The following NCOA2 variants were observed in gnomAD, a reference collection of about 807,000 sequenced individuals.
NCOA2 encodes the protein nuclear receptor coactivator 2, also known as class E basic helix-loop-helix protein 75.
In NCOA2, 21 loss-of-function variants were observed where a neutral mutation model predicts 145.1. The observed-to-expected ratio is 0.14, with a 90% CI of 0.10 to 0.21. The LOEUF is 0.21. NCOA2 is among the 10% of genes least tolerant of loss of function. The probability of loss-of-function intolerance (pLI) is 1.00; values close to 1 mark genes in which losing one functional copy is unlikely to be tolerated. For missense variants in NCOA2, 1,472 were observed against 1,837.6 expected, an observed-to-expected ratio of 0.80 and a Z score of 3.64; for synonymous variants, 619 against 637.5, an observed-to-expected ratio of 0.97 and a Z score of 0.44.
intron 4 of NCOA2, among the ~76,000 whole-genome samples, chr8:70,179,879 C>G (rs1431376598): frequency 5.9e-5 from 9 of 152,082 alleles, no homozygotes; most frequent in Non-Finnish European, 5.9e-5. Context: ...TTCTTCTAAG[C>G]CCTGACTTCA....
At chr8:70,184,118 T>C (rs1815783526) in intron 4 of NCOA2, among the ~76,000 whole-genome samples, 1 of 152,094 alleles carries the variant, frequency 6.6e-6, no homozygotes, top group Admixed American at 6.6e-5. Context: ...AGAAAAAAGG[T>C]CAGACCGTAT....
At chr8:70,154,494 C>T (rs575824414) in intron 11 of NCOA2, among the ~76,000 whole-genome samples, 2 of 152,294 alleles carry the variant, frequency 1.3e-5, no homozygotes, top group African/African-American at 4.8e-5. Context: ...CTCACTGCAG[C>T]CTCCAACTCC....
Position 70,397,792 on chromosome 8 carries a change from A to G in NCOA2, c.-77+5908T>C, listed in dbSNP as rs147176949. ...CTATTCGGTTGTAAGCTAATCAGTT[A>G]AGGGGACATTTTACAATATTTTTTA... On this transcript the variant is annotated intron_variant, in intron 1 of 22. Transcript: ENST00000452400. 1.7e-4 allele frequency among the ~76,000 whole-genome samples: 26 copies of G among 152,402 alleles called. No homozygotes were observed. The East Asian group carries it at 3.5e-3, about 20-fold the overall frequency.
the NCOA2 span, among the ~76,000 whole-genome samples, chr8:70,435,388 G>GCACTC: frequency 8.2e-6 from 1 of 121,334 alleles, no homozygotes; most frequent in African/African-American, 3.3e-5. Context: ...TAGCGCCACT[G>GCACTC]CAGTCCAGCT....
chr8:70,341,895 G>T (rs1808175170), intron 1 of NCOA2, among the ~76,000 whole-genome samples: 1 of 152,116 alleles, frequency 6.6e-6, no homozygotes. Context: ...TGTATTTTGT[G>T]CAAATGCCAT....
At chr8:70,130,711 T>C (rs1808993157) in intron 16 of NCOA2, among the ~76,000 whole-genome samples, 2 of 151,932 alleles carry the variant, frequency 1.3e-5, no homozygotes, top group South Asian at 2.2e-4. Flanking sequence ...CTGCATCATC[T>C]TTCTCTCAGA....
chr8:70,336,668 G>A (rs77335534), intron 1 of NCOA2, among the ~76,000 whole-genome samples: 26 of 152,020 alleles, frequency 1.7e-4, no homozygotes, highest in East Asian at 3.9e-4. Context: ...ACCAGATCTC[G>A]TAAGAACTCA....
At chr8:70,330,149 A>G (rs989492649) in intron 1 of NCOA2, among the ~76,000 whole-genome samples, 1 of 152,242 alleles carries the variant, frequency 6.6e-6, no homozygotes, top group African/African-American at 2.4e-5. Flanking sequence ...ACAAGATGGG[A>G]ATAATGACTT....
chr8:70,148,527 G>A (rs529913684), intron 11 of NCOA2, 44 bp from the exon 12 acceptor site: 2 of 1,577,768 alleles, frequency 1.3e-6, no homozygotes, highest in African/African-American at 2.7e-5. Flanking sequence ...TACTCTAAGA[G>A]TAGACACCAC....
chr8:70,203,133 T>C (rs1190758771), intron 4 of NCOA2, among the ~76,000 whole-genome samples: 1 of 152,022 alleles, frequency 6.6e-6, no homozygotes, highest in East Asian at 1.9e-4. Context: ...CATGATGGCA[T>C]GTGCCTGTAG....
chr8:70,404,600 T>G (rs1417561674), upstream of NCOA2, among the ~76,000 whole-genome samples: 2 of 152,242 alleles, frequency 1.3e-5, no homozygotes, highest in Non-Finnish European at 2.9e-5. Context: ...GAGGCGCGAC[T>G]GTGGGAGCTG....
intron 9 of NCOA2, 140 bp downstream of exon 9, chr8:70,162,571 T>C: frequency 1.3e-6 from 1 of 795,418 alleles, no homozygotes; most frequent in South Asian, 2.5e-5. Context: ...AATTTTCCTT[T>C]AGATGGCAAC....
chr8:70,340,787 G>A (rs1440683059), intron 1 of NCOA2, among the ~76,000 whole-genome samples: 2 of 152,156 alleles, frequency 1.3e-5, no homozygotes, highest in Non-Finnish European at 2.9e-5. Flanking sequence ...GCAGGGACAT[G>A]AATGGACATG....
chr8:70,244,020 T>C (rs752425343), intron 2 of NCOA2, among the ~76,000 whole-genome samples: 1 of 152,014 alleles, frequency 6.6e-6, no homozygotes, highest in African/African-American at 2.4e-5. Flanking sequence ...AAAAATTATG[T>C]TTGAGTTGCT....
chr8:70,305,272 G>A (rs1827804844), intron 1 of NCOA2, among the ~76,000 whole-genome samples: 1 of 151,872 alleles, frequency 6.6e-6, no homozygotes, highest in Non-Finnish European at 1.5e-5. Context: ...CAGCCTCAGA[G>A]GAACCAGCAC....
chr8:70,215,326 G>C (rs1390050209), intron 3 of NCOA2, among the ~76,000 whole-genome samples: 1 of 152,102 alleles, frequency 6.6e-6, no homozygotes, highest in African/African-American at 2.4e-5. Context: ...GAGCGCCCCA[G>C]AGGGAGGGCT....
At chr8:70,166,102 G>A (rs764943239) in intron 7 of NCOA2, among the ~76,000 whole-genome samples, 4 of 152,140 alleles carry the variant, frequency 2.6e-5, no homozygotes, top group African/African-American at 7.2e-5. Context: ...GATTACAGGC[G>A]TGAGCCACCG....
rs574384184 is a variant in NCOA2, at chr8:70,244,458, A to G, written c.-19-27694T>C. Among the ~76,000 whole-genome samples, 63 of 152,238 alleles carry G rather than the reference A, an allele frequency of 4.1e-4. No homozygotes were observed. The South Asian group carries it at 0.013, about 31-fold the overall frequency. On this transcript the variant is annotated intron_variant, in intron 2 of 22. Coordinates refer to ENST00000452400, the MANE Select transcript of NCOA2 (RefSeq NM_006540.4). ...TATTTAGCTCTCTGCATACAGTAGC[A>G]TAAGATCAATCTGAGAAAGTTAGGT... is the stretch of plus-strand genomic sequence containing the variant.
chr8:70,381,346 A>T (rs1437500023), intron 1 of NCOA2, among the ~76,000 whole-genome samples: 1 of 152,202 alleles, frequency 6.6e-6, no homozygotes, highest in East Asian at 1.9e-4. Flanking sequence ...TTTAATACAC[A>T]ATGGGATCCT....
Sources: allele counts gnomAD v4.1 joint callset (sites outside exome capture counted in the v4.1 genomes callset), GRCh38; gene constraint gnomAD v4.1.1; transcripts MANE v1.5; gene names NCBI Gene and HGNC (gene_info 2026-07-23, HGNC 2026-07-21).